The following SLC33A1 variants were observed in gnomAD, a reference collection of about 807,000 sequenced individuals.
The protein encoded by SLC33A1 is acetyl-coenzyme A transporter 1.
Under a neutral mutation model 50.0 loss-of-function variants are expected in SLC33A1, and 20 were observed. That is an observed-to-expected ratio of 0.40 (90% CI 0.28 to 0.58). SLC33A1 has a LOEUF of 0.58. SLC33A1 is among the 20% of genes least tolerant of loss of function. The pLI is 0.44. For synonymous variants in SLC33A1, 265 were observed against 251.8 expected (o/e 1.05, Z -0.50); for missense variants, 476 against 657.0 (o/e 0.72, Z 3.01).
chr3:155,828,520 T>C (rs1344581139), intron 5 of SLC33A1, 143 bp from the exon 6 acceptor site: 9 of 648,102 alleles, frequency 1.4e-5, no homozygotes, highest in Non-Finnish European at 2.5e-5. Context: ...TGACAAAATA[T>C]GTTAATGTAT....
chr3:155,829,693 C>T lies in SLC33A1; in HGVS notation c.1477G>A (p.Val493Ile), dbSNP rs1386573259. 2.5e-6 allele frequency: 4 copies of T among 1,606,862 alleles called. No individual in the cohort carries two copies. In the African/African-American group the frequency reaches 5.4e-5, roughly 21 times the overall value. ...TAAAATTAAAACATACTTACCTCAA[C>T]AGCATCAGGTGTTCGACAATTCTGG... ...SNQNCRTPDA[V>I]ELCKKLGGSC... The change falls in exon 5 of 6, where the codon GTT becomes ATT. Residue 493 changes from valine (V) to isoleucine (I), a missense_variant. Physicochemically the swap from Val to Ile is conservative, Grantham distance 29 (BLOSUM62 3). Transcript: ENST00000643144.
intron 2 of SLC33A1, among the ~76,000 whole-genome samples, chr3:155,838,018 G>T (rs1419803125): frequency 6.6e-6 from 1 of 152,052 alleles, no homozygotes; most frequent in Non-Finnish European, 1.5e-5. Flanking sequence ...TAATCTATTG[G>T]CTGGCCAGGT....
At chr3:155,839,994 G>A (rs1418516727) in intron 2 of SLC33A1, among the ~76,000 whole-genome samples, 15 of 151,708 alleles carry the variant, frequency 9.9e-5, no homozygotes, top group African/African-American at 3.4e-4. Flanking sequence ...TGAAGTATAC[G>A]TATACACACA....
rs1447345683 is a variant in SLC33A1 at position 155,854,238 on chromosome 3, G to A, written c.-241C>T. On this transcript the variant is annotated 5_prime_UTR_variant, in exon 1 of 6. Coordinates refer to ENST00000643144, the MANE Select transcript of SLC33A1 (RefSeq NM_004733.4). Reference sequence around the variant, plus strand: ...AGGTGCCCCCTGGAACGGCGTCAAAGAGCCTGAAGGAGACCCCCGGGCAGC... The same window carrying A: ...AGGTGCCCCCTGGAACGGCGTCAAAAAGCCTGAAGGAGACCCCCGGGCAGC... The A allele has an allele frequency of 7.9e-6, 3 of 382,044 alleles. No individual in the cohort carries two copies. 23.7% of individuals were successfully genotyped at this position (382,044 alleles called of 1,614,324 possible).
At chr3:155,829,589 A>G in intron 5 of SLC33A1, 99 bp downstream of exon 5, 1 of 856,688 alleles carries the variant, frequency 1.2e-6, no homozygotes, top group Admixed American at 2.0e-5. Flanking sequence ...CTATGGACAG[A>G]TATGATTTTT....
chr3:155,851,939 C>T (rs1753416594), intron 1 of SLC33A1, among the ~76,000 whole-genome samples: 1 of 152,142 alleles, frequency 6.6e-6, no homozygotes, highest in Non-Finnish European at 1.5e-5. Context: ...GTTGTGACAC[C>T]TCCTACCACC....
At chr3:155,840,547 G>T (rs1481222838) in intron 2 of SLC33A1, among the ~76,000 whole-genome samples, 1 of 151,946 alleles carries the variant, frequency 6.6e-6, no homozygotes, top group African/African-American at 2.4e-5. Context: ...GCCAGGCGCG[G>T]TGGCTCATGC....
chr3:155,828,918 T>C (rs1752298084), intron 5 of SLC33A1, among the ~76,000 whole-genome samples: 1 of 141,334 alleles, frequency 7.1e-6, no homozygotes, highest in East Asian at 2.0e-4. Context: ...TTTTTTTTTT[T>C]AAGAGACGGA....
intron 1 of SLC33A1, among the ~76,000 whole-genome samples, chr3:155,844,506 G>T (rs1753086463): frequency 8.7e-6 from 1 of 114,942 alleles, no homozygotes; most frequent in Non-Finnish European, 1.7e-5. Flanking sequence ...TCTCACTCTT[G>T]TCAGGCTGGT....
At chr3:155,851,681 G>A (rs905625233) in intron 1 of SLC33A1, among the ~76,000 whole-genome samples, 1 of 152,094 alleles carries the variant, frequency 6.6e-6, no homozygotes, top group African/African-American at 2.4e-5. Flanking sequence ...GCCTCCCAAA[G>A]TGCTGGGATT....
Position 155,821,768 on chromosome 3 carries a change from A to AT in SLC33A1, c.*6441dup, listed in dbSNP as rs574504862. 296 of 116,868 alleles carry AT rather than the reference A, an allele frequency of 2.5e-3. 1 individual carries two copies. Among genetic ancestry groups the AT allele is most frequent in the South Asian group, 0.015 (49 of 3,300 alleles). 7.2% of individuals were successfully genotyped at this position (116,868 alleles called of 1,614,324 possible). ...GACGTGAGCCACTGGACCCGGCCGC[A>AT]TTTTTTTTTTTTTTTTTTAATTGAG... On this transcript the variant is annotated 3_prime_UTR_variant, in exon 6 of 6. Coordinates refer to ENST00000643144, the MANE Select transcript of SLC33A1 (RefSeq NM_004733.4).
At chr3:155,833,780 G>A (rs922884243) in intron 3 of SLC33A1, 77 bp downstream of exon 3, 75 of 1,144,930 alleles carry the variant, frequency 6.6e-5, no homozygotes, top group East Asian at 6.5e-4. Flanking sequence ...ATAATTCTAC[G>A]CTCAGATATT....
chr3:155,829,830 G>A lies in SLC33A1; in HGVS notation c.1340C>T (p.Thr447Ile), dbSNP rs1416299009. 1 of 1,613,666 alleles carries A rather than the reference G, an allele frequency of 6.2e-7. No homozygotes were observed. Among genetic ancestry groups the A allele is most frequent in the Non-Finnish European group, 8.5e-7 (1 of 1,179,734 alleles). ...CACGGTATTTAAAAGGGTCATGTATGTTCCTCCAATAAGTGGATCACTAAC... is the reference window on the plus strand; with the variant it reads ...CACGGTATTTAAAAGGGTCATGTATATTCCTCCAATAAGTGGATCACTAAC... The part of the protein sequence containing the change: ...AKVSDPLIGG[T>I]YMTLLNTVSN... The change falls in exon 5 of 6, where the codon ACA becomes ATA. Residue 447 changes from threonine (T) to isoleucine (I), a missense_variant. Physicochemically the swap from Thr to Ile is moderately conservative, Grantham distance 89. Transcript: ENST00000643144.
chr3:155,854,222 C>G lies in SLC33A1; in HGVS notation c.-225G>C. ...CAGAGGATGCCTGGATAGGTGCCCC[C>G]TGGAACGGCGTCAAAGAGCCTGAAG... On this transcript the variant is annotated 5_prime_UTR_variant, in exon 1 of 6. Coordinates refer to ENST00000643144, the MANE Select transcript of SLC33A1 (RefSeq NM_004733.4). 1 of 410,344 alleles carries G rather than the reference C, an allele frequency of 2.4e-6. No homozygotes were observed. The highest frequency in any genetic ancestry group is 4.3e-6 in the Non-Finnish European group (1 of 230,398). The allele number at this position is 410,344 out of a possible 1,614,324, so 25.4% of individuals were successfully genotyped here. A position where few individuals can be genotyped will look rare whatever the true frequency, so the allele number is the denominator to read the frequency against.
At chr3:155,836,240 C>T (rs763968709) in intron 2 of SLC33A1, among the ~76,000 whole-genome samples, 11 of 122,730 alleles carry the variant, frequency 9.0e-5, no homozygotes, top group Admixed American at 3.1e-4. Context: ...GCCAAGATCG[C>T]GCCACTGCAC....
chr3:155,840,982 T>C (rs893892479), intron 2 of SLC33A1, among the ~76,000 whole-genome samples: 20 of 150,526 alleles, frequency 1.3e-4, no homozygotes, highest in African/African-American at 4.9e-4. Flanking sequence ...AGACTTTGTC[T>C]CAAAAAAAAT....
At position 155,822,274 on chromosome 3, in the gene SLC33A1, G is replaced by T. The variant is rs1377209814; in HGVS notation, c.*5936C>A. On this transcript the variant is annotated 3_prime_UTR_variant, in exon 6 of 6. Transcript: ENST00000643144. ...TGATTGATTAATTGTAGCTGACTGG[G>T]GTATTCAATTTTAGAAATTTAAGAT... 3 of 151,924 alleles carry T rather than the reference G, an allele frequency of 2.0e-5. No individual in the cohort carries two copies. Among genetic ancestry groups the T allele is most frequent in the African/African-American group, 7.3e-5 (3 of 41,354 alleles). The allele number at this position is 151,924 out of a possible 1,614,324, so 9.4% of individuals were successfully genotyped here. A position where few individuals can be genotyped will look rare whatever the true frequency, so the allele number is the denominator to read the frequency against.
intron 2 of SLC33A1, among the ~76,000 whole-genome samples, chr3:155,835,854 C>G (rs910565968): frequency 6.6e-6 from 1 of 152,136 alleles, no homozygotes; most frequent in African/African-American, 2.4e-5. Context: ...TTCTCTCTCT[C>G]ACCTACTAAA....
chr3:155,845,255 T>C (rs892019655), intron 1 of SLC33A1, among the ~76,000 whole-genome samples: 1 of 146,872 alleles, frequency 6.8e-6, no homozygotes, highest in Admixed American at 6.7e-5. Context: ...TTTAAATTCC[T>C]TGATACCAAT....
Sources: allele counts gnomAD v4.1 joint callset (sites outside exome capture counted in the v4.1 genomes callset), GRCh38; gene constraint gnomAD v4.1.1; transcripts MANE v1.5; gene names NCBI Gene and HGNC (gene_info 2026-07-23, HGNC 2026-07-21).